The following DACH1 variants were observed in gnomAD, a reference collection of about 807,000 sequenced individuals.
DACH1 encodes the protein dachshund homolog 1.
DACH1 carries 12 observed loss-of-function variants against 54.2 expected under a neutral mutation model. That is an observed-to-expected ratio of 0.22 (90% CI 0.14 to 0.36). The LOEUF is 0.36. DACH1 is among the 10% of genes least tolerant of loss of function. The probability of loss-of-function intolerance (pLI) is 1.00; values close to 1 mark genes in which losing one functional copy is unlikely to be tolerated. For synonymous variants in DACH1, 386 were observed against 366.2 expected (o/e 1.05, Z -0.62); for missense variants, 805 against 929.8 (o/e 0.87, Z 1.75).
At chr13:71,720,326 T>G (rs1241064904) in intron 1 of DACH1, among the ~76,000 whole-genome samples, 5 of 152,194 alleles carry the variant, frequency 3.3e-5, no homozygotes, top group Non-Finnish European at 7.3e-5. Flanking sequence ...TTTATTTGTA[T>G]GCTCTCTTAC....
At chr13:71,780,349 T>C (rs1293774958) in intron 1 of DACH1, among the ~76,000 whole-genome samples, 1 of 152,166 alleles carries the variant, frequency 6.6e-6, no homozygotes, top group Non-Finnish European at 1.5e-5. Flanking sequence ...ATAATAACAT[T>C]ATTTTTACAT....
intron 1 of DACH1, among the ~76,000 whole-genome samples, chr13:71,847,785 T>G (rs1350572846): frequency 6.6e-6 from 1 of 152,150 alleles, no homozygotes; most frequent in East Asian, 1.9e-4. Flanking sequence ...AGAAACAAGG[T>G]GTATTAACAT....
rs539091777 is a variant in DACH1, at chr13:71,555,031, T to C, written c.1570+1993A>G. On this transcript the variant is annotated intron_variant, in intron 6 of 10. Transcript: ENST00000613252. ...TTTCTCTTCACTACCACCTCTGGAC[T>C]TGTATATTTCTCTTAGCCCTTCTCC... 2.6e-5 allele frequency among the ~76,000 whole-genome samples: 4 copies of C among 152,308 alleles called. No individual in the cohort carries two copies. The South Asian group carries it at 6.2e-4, about 24-fold the overall frequency.
chr13:71,774,855 T>C (rs1885996511), intron 1 of DACH1, among the ~76,000 whole-genome samples: 1 of 152,120 alleles, frequency 6.6e-6, no homozygotes, highest in African/African-American at 2.4e-5. Context: ...TGAAACTAAA[T>C]TGATGATTCA....
Position 71,866,394 on chromosome 13 carries a change from C to A in DACH1, c.376G>T (p.Gly126Cys). The A allele has an allele frequency of 6.8e-7, 1 of 1,472,106 alleles. No homozygotes were observed. Among genetic ancestry groups the A allele is most frequent in the East Asian group, 2.8e-5 (1 of 36,274 alleles). 91.2% of individuals were successfully genotyped at this position (1,472,106 alleles called of 1,614,324 possible). ...GGGGGGISAG[G>C]GVASSTPINA... Reference sequence around the variant, plus strand: ...ATGGGGGTGCTGGAAGCGACGCCGCCGCCAGCGCTGATGCCGCCGCCGCCG... The same window carrying A: ...ATGGGGGTGCTGGAAGCGACGCCGCAGCCAGCGCTGATGCCGCCGCCGCCG... The change falls in exon 1 of 11, where the codon GGC becomes TGC. Residue 126 changes from glycine (G) to cysteine (C), a missense_variant. Gly to Cys is a radical substitution (Grantham distance 159). Coordinates refer to ENST00000613252, the MANE Select transcript of DACH1 (RefSeq NM_080759.6).
intron 6 of DACH1, among the ~76,000 whole-genome samples, chr13:71,527,647 C>G (rs1014973301): frequency 6.6e-6 from 1 of 152,126 alleles, no homozygotes; most frequent in East Asian, 1.9e-4. Flanking sequence ...GCCACTGGGC[C>G]CTCATAAATC....
intron 10 of DACH1, among the ~76,000 whole-genome samples, chr13:71,471,383 A>C (rs1269107367): frequency 6.6e-6 from 1 of 152,134 alleles, no homozygotes; most frequent in Non-Finnish European, 1.5e-5. Flanking sequence ...CCAAATAAAA[A>C]GTTGGATATT....
chr13:71,686,584 A>G (rs1363888782), intron 1 of DACH1, among the ~76,000 whole-genome samples: 1 of 152,228 alleles, frequency 6.6e-6, no homozygotes. Context: ...AGTGCAAAAG[A>G]GCAAGAGATG....
intron 3 of DACH1, among the ~76,000 whole-genome samples, chr13:71,597,745 A>G (rs544663411): frequency 6.6e-6 from 1 of 152,196 alleles, no homozygotes; most frequent in Non-Finnish European, 1.5e-5. Flanking sequence ...TCACACAAGT[A>G]AAATACAGCA....
At chr13:71,680,438 G>A (rs1880831762) in intron 2 of DACH1, among the ~76,000 whole-genome samples, 1 of 151,454 alleles carries the variant, frequency 6.6e-6, no homozygotes, top group Non-Finnish European at 1.5e-5. Context: ...CCCATCTCTA[G>A]AAAAAAAATA....
chr13:71,537,301 G>A (rs763171410), intron 6 of DACH1, among the ~76,000 whole-genome samples: 6 of 152,024 alleles, frequency 3.9e-5, no homozygotes, highest in Non-Finnish European at 8.8e-5. Context: ...GAAGCCTCTT[G>A]GTGCCATCCT....
At chr13:71,747,845 C>T (rs1249542112) in intron 1 of DACH1, among the ~76,000 whole-genome samples, 2 of 152,066 alleles carry the variant, frequency 1.3e-5, no homozygotes, top group East Asian at 1.9e-4. Context: ...CCCTGTATAG[C>T]ACTGTAGCAG....
At chr13:71,801,856 A>AC (rs1242171137) in intron 1 of DACH1, among the ~76,000 whole-genome samples, 1 of 152,040 alleles carries the variant, frequency 6.6e-6, no homozygotes, top group Non-Finnish European at 1.5e-5. Flanking sequence ...AAAAGAAAAA[A>AC]AAAAAAAAAC....
chr13:71,538,584 C>T (rs1882948121), intron 6 of DACH1, among the ~76,000 whole-genome samples: 1 of 152,026 alleles, frequency 6.6e-6, no homozygotes, highest in African/African-American at 2.4e-5. Context: ...TGGATCTTCA[C>T]ATTTTAATAA....
chr13:71,756,907 C>T (rs1885188341), intron 1 of DACH1, among the ~76,000 whole-genome samples: 1 of 152,048 alleles, frequency 6.6e-6, no homozygotes, highest in African/African-American at 2.4e-5. Context: ...GGATGTTGTT[C>T]ACTTGTGAGA....
rs918985105 is a variant in DACH1, at chr13:71,633,949, G to A, written c.965-3232C>T. ...ATAGTCAGCCAAACCTCATGAAAGC[G>A]AAGATTTTTTCTTTTTTCTTCCTTT... On this transcript the variant is annotated intron_variant, in intron 2 of 10. Transcript: ENST00000613252. 3.4e-5 allele frequency among the ~76,000 whole-genome samples: 5 copies of A among 148,618 alleles called. No homozygotes were observed. In the East Asian group the frequency reaches 6.0e-4, roughly 18 times the overall value.
intron 10 of DACH1, among the ~76,000 whole-genome samples, chr13:71,472,951 G>T (rs1189028834): frequency 6.6e-6 from 1 of 152,096 alleles, no homozygotes. Flanking sequence ...ATTTCAAAGG[G>T]CTAATAAAGC....
chr13:71,667,103 A>C (rs1021045706), intron 2 of DACH1, among the ~76,000 whole-genome samples: 2 of 152,190 alleles, frequency 1.3e-5, no homozygotes, highest in Non-Finnish European at 2.9e-5. Flanking sequence ...AGGAATTTTC[A>C]ATATTTTTTA....
intron 4 of DACH1, among the ~76,000 whole-genome samples, chr13:71,566,689 T>C (rs1884911842): frequency 6.6e-6 from 1 of 152,128 alleles, no homozygotes; most frequent in South Asian, 2.1e-4. Context: ...GATGTTTCAT[T>C]AGTGGTGGTT....
Sources: allele counts gnomAD v4.1 joint callset (sites outside exome capture counted in the v4.1 genomes callset), GRCh38; gene constraint gnomAD v4.1.1; transcripts MANE v1.5; gene names NCBI Gene and HGNC (gene_info 2026-07-23, HGNC 2026-07-21).